DNAH9: variants seen among roughly 807,000 people sequenced by gnomAD.
DNAH9 encodes DNAH9 variant protein.
DNAH9 carries 345 observed loss-of-function variants against 471.6 expected under a neutral mutation model. The ratio of observed to expected loss-of-function variants is 0.73; its 90% CI spans 0.67 to 0.80. The LOEUF is 0.80. Ranked by LOEUF, DNAH9 falls within the 30% of genes least tolerant of loss-of-function variation. DNAH9 has a pLI of 0.00. For missense variants in DNAH9, 5,407 were observed against 5,609.2 expected (o/e 0.96, Z 1.15); for synonymous variants, 2,093 against 2,123.6 (o/e 0.99, Z 0.40).
chr17:11,969,741 C>G lies in DNAH9; in HGVS notation c.*214C>G, dbSNP rs1977061990. ...CCAGGTTTCTTAATAAAATGATTTA[C>G]TCTTCAACTGTGTCTGGCCCAGGAT... is the stretch of plus-strand genomic sequence containing the variant. On this transcript the variant is annotated 3_prime_UTR_variant, in exon 69 of 69. Coordinates refer to ENST00000262442, the MANE Select transcript of DNAH9 (RefSeq NM_001372.4). The G allele has an allele frequency of 1.1e-5, 6 of 538,092 alleles. No homozygotes were observed. Among genetic ancestry groups the G allele is most frequent in the Middle Eastern group, 4.9e-4 (1 of 2,024 alleles). 33.3% of individuals were successfully genotyped at this position (538,092 alleles called of 1,614,324 possible).
intron 44 of DNAH9, 64 bp from the exon 45 acceptor site, chr17:11,810,182 G>A (rs1392909865): frequency 1.3e-6 from 2 of 1,539,124 alleles, no homozygotes; most frequent in East Asian, 2.3e-5. Flanking sequence ...CTAAAGAATG[G>A]GTTGGAGTTC....
At chr17:11,689,222 C>T (rs1158950119) in intron 19 of DNAH9, among the ~76,000 whole-genome samples, 1 of 152,092 alleles carries the variant, frequency 6.6e-6, no homozygotes, top group Admixed American at 6.5e-5. Flanking sequence ...GTCTTCAGAA[C>T]CAACAGCTAG....
At chr17:11,807,454 G>A (rs770450417) in intron 43 of DNAH9, among the ~76,000 whole-genome samples, 3 of 152,062 alleles carry the variant, frequency 2.0e-5, no homozygotes, top group Non-Finnish European at 4.4e-5. Flanking sequence ...CTTCCCTATC[G>A]CATCACTCAT....
Position 11,892,469 on chromosome 17 carries a change from G to C in DNAH9, c.11283+522G>C, listed in dbSNP as rs1973081596. ...TTGGTTCTCAAGGGTTTGGGAAGCA[G>C]GGATTTCCGATGTTGCTGCATCTTT... On this transcript the variant is annotated intron_variant, in intron 58 of 68. Coordinates refer to ENST00000262442, the MANE Select transcript of DNAH9 (RefSeq NM_001372.4). This position sits in a 1 kb window ranked among gnomAD's most constrained non-coding sequence, Gnocchi z 4.3. Among the ~76,000 whole-genome samples the C allele has an allele frequency of 1.3e-5, 2 of 152,210 alleles. No homozygotes were observed. Among genetic ancestry groups the C allele is most frequent in the African/African-American group, 4.8e-5 (2 of 41,442 alleles).
chr17:11,667,300 T>C (rs1432613043), intron 15 of DNAH9, among the ~76,000 whole-genome samples: 1 of 151,734 alleles, frequency 6.6e-6, no homozygotes, highest in Admixed American at 6.6e-5. Flanking sequence ...ATAAACATAG[T>C]AGTTTTTATA....
intron 15 of DNAH9, among the ~76,000 whole-genome samples, chr17:11,666,489 CAG>C (rs1252738841): frequency 3.9e-5 from 6 of 152,186 alleles, no homozygotes; most frequent in African/African-American, 1.4e-4. Context: ...AATAGGAGGA[CAG>C]GGGAACACAT....
intron 61 of DNAH9, among the ~76,000 whole-genome samples, chr17:11,908,210 T>C (rs1380498221): frequency 4.6e-5 from 7 of 152,250 alleles, no homozygotes; most frequent in African/African-American, 1.7e-4. Context: ...CTGAGTTTGG[T>C]TGAAAAAAAT....
intron 8 of DNAH9, 97 bp downstream of exon 8, chr17:11,632,800 C>T: frequency 3.3e-6 from 2 of 597,804 alleles, no homozygotes; most frequent in East Asian, 5.1e-5. Flanking sequence ...TCTGTTCCTG[C>T]AACTATTAAT....
chr17:11,878,600 G>A (rs1972599174), intron 53 of DNAH9, among the ~76,000 whole-genome samples: 1 of 152,104 alleles, frequency 6.6e-6, no homozygotes, highest in African/African-American at 2.4e-5. Context: ...CTGTCACCCA[G>A]GCTGGAGTAC....
At chr17:11,641,286 A>G (rs1468254773) in intron 10 of DNAH9, among the ~76,000 whole-genome samples, 1 of 151,980 alleles carries the variant, frequency 6.6e-6, no homozygotes, top group Non-Finnish European at 1.5e-5. Context: ...AAGCAGACCC[A>G]ATGTGAGCAA....
Position 11,960,378 on chromosome 17 carries a change from G to A in DNAH9, c.12844-1489G>A, listed in dbSNP as rs146541025. Among the ~76,000 whole-genome samples the A allele has an allele frequency of 5.3e-3, 769 of 146,294 alleles. 2 individuals carry two copies. Among genetic ancestry groups the A allele is most frequent in the Non-Finnish European group, 9.4e-3 (632 of 67,296 alleles). ...TTGAGCTCGGGAGGCAGAGGTTGCC[G>A]TGAGCTGAGATCGTGCTACTGCACT... On this transcript the variant is annotated intron_variant, in intron 67 of 68. Transcript: ENST00000262442.
At chr17:11,953,343 G>A (rs992443436) in intron 67 of DNAH9, among the ~76,000 whole-genome samples, 11 of 152,062 alleles carry the variant, frequency 7.2e-5, no homozygotes, top group South Asian at 2.1e-4. Flanking sequence ...GGCCTCAAGC[G>A]GCATCAACCT....
chr17:11,902,636 C>A, intron 59 of DNAH9, 83 bp from the exon 60 acceptor site: 1 of 1,227,464 alleles, frequency 8.1e-7, no homozygotes, highest in Non-Finnish European at 1.2e-6. Flanking sequence ...TAGATAAGAC[C>A]ATCTGGCCCC....
intron 41 of DNAH9, among the ~76,000 whole-genome samples, chr17:11,787,169 C>T (rs545955505): frequency 3.3e-5 from 5 of 152,304 alleles, no homozygotes; most frequent in East Asian, 1.9e-4. Context: ...AGCAAAGCCA[C>T]GTGGTGGAAG....
Position 11,937,405 on chromosome 17 carries a change from G to C in DNAH9, c.12543G>C (p.Pro4181=), listed in dbSNP as rs571913392. ...CCCCCTACCTCTATGGCCTCCACCCGAACGCAGAGATTGGCTTCCTGACCC... is the reference window on the plus strand; with the variant it reads ...CCCCCTACCTCTATGGCCTCCACCCCAACGCAGAGATTGGCTTCCTGACCC... The part of the protein sequence containing the change: ...PESPYLYGLH[P]NAEIGFLTQT... Residue 4181 remains proline (P), a synonymous_variant, in exon 66 of 69, where the codon CCG becomes CCC. Transcript: ENST00000262442. This position sits in a 1 kb window ranked among gnomAD's most constrained non-coding sequence, Gnocchi z 4.1. The C allele has an allele frequency of 6.2e-7, 1 of 1,613,892 alleles. No homozygotes were observed. Among genetic ancestry groups the C allele is most frequent in the Non-Finnish European group, 8.5e-7 (1 of 1,179,960 alleles).
At chr17:11,781,848 CA>C (rs1393158154) in intron 39 of DNAH9, among the ~76,000 whole-genome samples, 6 of 122,286 alleles carry the variant, frequency 4.9e-5, no homozygotes, top group Admixed American at 8.5e-5. Context: ...AAAAAACAAA[CA>C]AAAAAAAAAC....
intron 67 of DNAH9, among the ~76,000 whole-genome samples, chr17:11,954,492 G>C (rs1975538318): frequency 6.6e-6 from 1 of 151,276 alleles, no homozygotes; most frequent in Non-Finnish European, 1.5e-5. Flanking sequence ...CAGACTTCTT[G>C]TCAGAAGCTG....
intron 68 of DNAH9, among the ~76,000 whole-genome samples, chr17:11,966,781 C>G (rs926658114): frequency 1.3e-5 from 2 of 151,950 alleles, no homozygotes; most frequent in Non-Finnish European, 2.9e-5. Flanking sequence ...TGGAATTAGG[C>G]TGGGCACAGT....
chr17:11,874,844 T>G, intron 52 of DNAH9, 105 bp from the exon 53 acceptor site: 1 of 808,294 alleles, frequency 1.2e-6, no homozygotes. Flanking sequence ...GGGATGTTGA[T>G]CTTGCTTTTA....
Sources: gnomAD v4.1 joint callset for allele counts (sites outside exome capture counted in the v4.1 genomes callset) on GRCh38, gnomAD v4.1.1 for gene constraint, Gnocchi (gnomAD v3.1) non-coding constraint, MANE v1.5 for transcripts, NCBI Gene and HGNC (gene_info 2026-07-23, HGNC 2026-07-21) for gene names.